The following CC2D2A variants were observed in gnomAD, a reference collection of about 807,000 sequenced individuals.
CC2D2A encodes coiled-coil and C2 domain containing 2A, also known as coiled-coil and C2 domain-containing protein 2A.
A neutral mutation model predicts 212.9 loss-of-function variants in CC2D2A; 155 were observed. The ratio of observed to expected loss-of-function variants is 0.73; its 90% CI spans 0.64 to 0.83. CC2D2A has a LOEUF of 0.83. Among genes scored for constraint, CC2D2A ranks in the 40% least tolerant of loss-of-function variants. The probability of loss-of-function intolerance (pLI) is 0.00; values close to 1 mark genes in which losing one functional copy is unlikely to be tolerated. For synonymous variants in CC2D2A, 667 were observed against 686.5 expected, an observed-to-expected ratio of 0.97 and a Z score of 0.44; for missense variants, 1,856 against 1,956.2, an observed-to-expected ratio of 0.95 and a Z score of 0.97.
At chr4:15,568,208 T>C (rs1719986437) in intron 26 of CC2D2A, among the ~76,000 whole-genome samples, 1 of 152,210 alleles carries the variant, frequency 6.6e-6, no homozygotes, top group African/African-American at 2.4e-5. Context: ...GGTCAAAGGA[T>C]TTTAGATATT....
intron 11 of CC2D2A, among the ~76,000 whole-genome samples, chr4:15,523,854 G>A (rs1011484011): frequency 2.6e-5 from 4 of 152,112 alleles, no homozygotes; most frequent in African/African-American, 9.7e-5. Flanking sequence ...ACTCCAGAAG[G>A]AAAGAATCAT....
intron 1 of CC2D2A, among the ~76,000 whole-genome samples, chr4:15,473,593 A>G (rs1408470367): frequency 6.6e-6 from 1 of 152,212 alleles, no homozygotes; most frequent in Non-Finnish European, 1.5e-5. Flanking sequence ...TTTTGAGTGA[A>G]GCAATGTGAT....
chr4:15,494,953 C>T (rs1329158456), intron 4 of CC2D2A, among the ~76,000 whole-genome samples: 1 of 152,074 alleles, frequency 6.6e-6, no homozygotes, highest in Non-Finnish European at 1.5e-5. Flanking sequence ...GGTACATGTG[C>T]AGGTTTGTTA....
chr4:15,495,564 C>A (rs532697184), intron 4 of CC2D2A, among the ~76,000 whole-genome samples: 27 of 152,292 alleles, frequency 1.8e-4, no homozygotes, highest in Admixed American at 3.3e-4. Context: ...GACATGAATT[C>A]ATTCTTTTTT....
At position 15,574,196 on chromosome 4, in the gene CC2D2A, A is replaced by G. The variant is rs1166699647; in HGVS notation, c.3641A>G (p.Tyr1214Cys). The G allele has an allele frequency of 6.4e-7, 1 of 1,551,254 alleles. No individual in the cohort carries two copies. The highest frequency in any genetic ancestry group is 2.4e-5 in the East Asian group (1 of 40,920). The change falls in exon 29 of 37, where the codon TAC becomes TGC. Residue 1214 changes from tyrosine (Y) to cysteine (C), a missense_variant. This residue lies in a region of CC2D2A where 1,512 missense variants were observed against 1,579.3 expected (regional missense o/e 0.96). Coordinates refer to ENST00000424120, the MANE Select transcript of CC2D2A (RefSeq NM_001378615.1). ...KIDIPPVLLGYSKERNMILER... is the reference protein window; with the variant it reads ...KIDIPPVLLGCSKERNMILER... The stretch of plus-strand genomic sequence containing the variant: ...GATATTCCCCCAGTTCTTCTGGGCT[A>G]CAGTAAGGAGCGAAATATGATTCTT...
chr4:15,528,506 G>A (rs539688868), intron 12 of CC2D2A, 114 bp from the exon 13 acceptor site: 85 of 719,464 alleles, frequency 1.2e-4, no homozygotes, highest in African/African-American at 1.7e-4. Context: ...TTGAACATCC[G>A]TTCCATTCAC....
chr4:15,585,353 T>C (rs1720817449), intron 30 of CC2D2A, among the ~76,000 whole-genome samples: 1 of 152,048 alleles, frequency 6.6e-6, no homozygotes, highest in Admixed American at 6.5e-5. Context: ...ACAACATGGG[T>C]GAAGCTGGTG....
At chr4:15,524,732 T>G (rs1156266889) in intron 11 of CC2D2A, among the ~76,000 whole-genome samples, 1 of 152,238 alleles carries the variant, frequency 6.6e-6, no homozygotes, top group Admixed American at 6.5e-5. Flanking sequence ...ATTACAGGCG[T>G]GAGCCACCGC....
chr4:15,557,373 T>C lies in CC2D2A; in HGVS notation c.2695T>C (p.Phe899Leu), dbSNP rs1719344163. The C allele has an allele frequency of 1.2e-6, 2 of 1,613,734 alleles. No homozygotes were observed. The highest frequency in any genetic ancestry group is 1.7e-6 in the Non-Finnish European group (2 of 1,179,728). Residue 899 changes from phenylalanine to leucine, a missense_variant, in exon 21 of 37, where the codon TTT (phenylalanine) becomes CTT (leucine). Physicochemically the swap from Phe to Leu is conservative, Grantham distance 22 (BLOSUM62 0). Coordinates refer to ENST00000424120, the MANE Select transcript of CC2D2A (RefSeq NM_001378615.1). ...RLEQLQQEFN[F>L]VSDQELNRSK... ...GGAGCAGCTGCAACAGGAGTTTAAC[T>C]TTGTTTCAGATCAAGAATTAAATAG...
At chr4:15,595,963 T>A in intron 33 of CC2D2A, 122 bp from the exon 34 acceptor site, 3 of 565,596 alleles carry the variant, frequency 5.3e-6, no homozygotes, top group Non-Finnish European at 8.3e-6. Flanking sequence ...ACAAAATGTA[T>A]GCGGCCTATA....
chr4:15,500,355 A>G (rs958308534), intron 4 of CC2D2A, among the ~76,000 whole-genome samples: 3 of 152,198 alleles, frequency 2.0e-5, no homozygotes, highest in African/African-American at 7.2e-5. Context: ...TGACAGATGA[A>G]GGAAGTCTCA....
At chr4:15,491,125 T>G (rs1447967246) in intron 4 of CC2D2A, among the ~76,000 whole-genome samples, 1 of 152,322 alleles carries the variant, frequency 6.6e-6, no homozygotes, top group Non-Finnish European at 1.5e-5. Context: ...ATAGAATCTC[T>G]GAGTCATATG....
At position 15,569,405 on chromosome 4, in the gene CC2D2A, T is replaced by G; in HGVS notation, c.3495+16T>G. 7.1e-7 allele frequency: 1 copy of G among 1,415,868 alleles called. No individual in the cohort carries two copies. Among genetic ancestry groups the G allele is most frequent in the Non-Finnish European group, 9.8e-7 (1 of 1,020,138 alleles). 87.7% of individuals were successfully genotyped at this position (1,415,868 alleles called of 1,614,324 possible). On this transcript the variant is annotated intron_variant, in intron 27 of 36. Coordinates refer to ENST00000424120, the MANE Select transcript of CC2D2A (RefSeq NM_001378615.1). ...TGTCTTAGAGGTAAGTTCTCAGTTT[T>G]AAGAAAGACACTTGTATTCACTTTC...
At chr4:15,502,557 G>GCAATC in intron 5 of CC2D2A, 40 bp downstream of exon 5, 1 of 1,517,842 alleles carries the variant, frequency 6.6e-7, no homozygotes, top group Non-Finnish European at 9.0e-7. Flanking sequence ...AGTGCTGATT[G>GCAATC]CAATCTTCCA....
Position 15,478,724 on chromosome 4 carries a change from A to C in CC2D2A, c.41A>C (p.Glu14Ala), listed in dbSNP as rs1411267956. 1 of 1,552,170 alleles carries C rather than the reference A, an allele frequency of 6.4e-7. No individual in the cohort carries two copies. The highest frequency in any genetic ancestry group is 2.0e-5 in the Admixed American group (1 of 51,036). The change falls in exon 3 of 37, where the codon GAG becomes GCG. Residue 14 changes from glutamate to alanine, a missense_variant and splice_region_variant. Glu to Ala is a moderately radical substitution (Grantham distance 107). Coordinates refer to ENST00000424120, the MANE Select transcript of CC2D2A (RefSeq NM_001378615.1). ...TCTCCCTTTTGCATTTTCACAAAGG[A>C]GTTCATTGAAAATGATGAGGATGCA... ...REEKVKIITE[E>A]FIENDEDADM...
At chr4:15,495,792 CT>C (rs1715582814) in intron 4 of CC2D2A, among the ~76,000 whole-genome samples, 1 of 152,134 alleles carries the variant, frequency 6.6e-6, no homozygotes, top group Non-Finnish European at 1.5e-5. Context: ...ATTTTAAGTT[CT>C]TTGGGAAATT....
intron 4 of CC2D2A, among the ~76,000 whole-genome samples, chr4:15,490,632 A>T (rs969452951): frequency 3.9e-5 from 6 of 152,184 alleles, no homozygotes; most frequent in Non-Finnish European, 7.3e-5. Flanking sequence ...CTTTGTGTAA[A>T]CTTATGTTTT....
At chr4:15,571,366 G>T (rs1720153418) in intron 28 of CC2D2A, among the ~76,000 whole-genome samples, 1 of 152,180 alleles carries the variant, frequency 6.6e-6, no homozygotes, top group Non-Finnish European at 1.5e-5. Flanking sequence ...GAATGACTTA[G>T]TAGCTCTAAT....
At chr4:15,472,236 T>G (rs1432380470) in intron 1 of CC2D2A, among the ~76,000 whole-genome samples, 1 of 152,194 alleles carries the variant, frequency 6.6e-6, no homozygotes, top group East Asian at 1.9e-4. Flanking sequence ...AGAGCCTCAG[T>G]TTACTCATAC....
Sources: gnomAD v4.1 joint callset for allele counts (sites outside exome capture counted in the v4.1 genomes callset) on GRCh38, gnomAD v4.1.1 for gene constraint, gnomAD v4.1.1 regional missense constraint, MANE v1.5 for transcripts, NCBI Gene and HGNC (gene_info 2026-07-23, HGNC 2026-07-21) for gene names.